NRG2: variants seen among roughly 807,000 people sequenced by gnomAD.
The protein encoded by NRG2 is neuregulin 2, also known as pro-neuregulin-2, membrane-bound isoform.
In NRG2, 27 loss-of-function variants were observed where a neutral mutation model predicts 73.9. The observed-to-expected ratio is 0.37, with a 90% CI of 0.27 to 0.50. NRG2 has a LOEUF of 0.50. NRG2 is among the 20% of genes least tolerant of loss of function. The pLI is 0.96. For synonymous variants in NRG2, 532 were observed against 541.0 expected (o/e 0.98, Z 0.23); for missense variants, 1,126 against 1,210.1 (o/e 0.93, Z 1.03).
intron 1 of NRG2, among the ~76,000 whole-genome samples, chr5:140,022,419 A>G (rs1321509394): frequency 2.0e-5 from 3 of 152,060 alleles, no homozygotes; most frequent in African/African-American, 7.2e-5. Flanking sequence ...ACCATTTGCC[A>G]TTTCCTCATT....
At chr5:140,005,314 C>T (rs1429731670) in intron 1 of NRG2, among the ~76,000 whole-genome samples, 1 of 152,210 alleles carries the variant, frequency 6.6e-6, no homozygotes, top group Non-Finnish European at 1.5e-5. Context: ...CTCTCAGTTC[C>T]ACTGCCAGAG....
intron 1 of NRG2, among the ~76,000 whole-genome samples, chr5:139,998,558 GT>G (rs1758203135): frequency 6.6e-6 from 1 of 152,160 alleles, no homozygotes; most frequent in Non-Finnish European, 1.5e-5. Context: ...GCCTTCTACT[GT>G]TCTCATTCCC....
chr5:139,875,643 C>G (rs1295591333), intron 3 of NRG2, among the ~76,000 whole-genome samples: 1 of 152,106 alleles, frequency 6.6e-6, no homozygotes, highest in African/African-American at 2.4e-5. Flanking sequence ...CACAATGAGA[C>G]CAAGCCAATG....
chr5:139,910,218 A>G (rs1293088817), intron 1 of NRG2, among the ~76,000 whole-genome samples: 1 of 152,158 alleles, frequency 6.6e-6, no homozygotes, highest in Admixed American at 6.5e-5. Flanking sequence ...GTCTACCAAG[A>G]ATCTGGATGG....
chr5:139,983,541 T>C (rs922474415), intron 1 of NRG2, among the ~76,000 whole-genome samples: 34 of 152,314 alleles, frequency 2.2e-4, no homozygotes, highest in Non-Finnish European at 1.3e-4. Flanking sequence ...TGCCCCTGGT[T>C]CTCCATTGTT....
chr5:140,036,920 G>A (rs1255918416), intron 1 of NRG2, among the ~76,000 whole-genome samples: 1 of 152,122 alleles, frequency 6.6e-6, no homozygotes, highest in Non-Finnish European at 1.5e-5. Flanking sequence ...GCGCTTAGAG[G>A]GTTAAGACTT....
chr5:140,001,845 A>G (rs1758510862), intron 1 of NRG2, among the ~76,000 whole-genome samples: 2 of 152,170 alleles, frequency 1.3e-5, no homozygotes, highest in African/African-American at 4.8e-5. Flanking sequence ...CCTTGGTGAC[A>G]GAGTAAGACC....
intron 6 of NRG2, among the ~76,000 whole-genome samples, chr5:139,855,278 C>T (rs538234115): frequency 1.6e-4 from 24 of 152,320 alleles, no homozygotes; most frequent in African/African-American, 5.8e-4. Flanking sequence ...GCTCCAGGAG[C>T]CTGTGGGGTC....
chr5:139,978,152 C>T (rs1390129439), intron 1 of NRG2, among the ~76,000 whole-genome samples: 1 of 152,294 alleles, frequency 6.6e-6, no homozygotes, highest in Admixed American at 6.5e-5. Flanking sequence ...TCAGAGGGAA[C>T]AGGCAACCTA....
intron 1 of NRG2, among the ~76,000 whole-genome samples, chr5:139,948,030 T>C (rs1018190224): frequency 5.3e-5 from 8 of 152,214 alleles, no homozygotes; most frequent in African/African-American, 1.9e-4. Flanking sequence ...TTTTTCATCT[T>C]TGAAAAGGAA....
chr5:140,006,901 C>T (rs1758948870), intron 1 of NRG2, among the ~76,000 whole-genome samples: 1 of 152,156 alleles, frequency 6.6e-6, no homozygotes, highest in East Asian at 1.9e-4. Context: ...CTAGGGTCTT[C>T]CGTGAGTCAG....
chr5:140,027,710 T>C (rs1258919026), intron 1 of NRG2, among the ~76,000 whole-genome samples: 1 of 152,192 alleles, frequency 6.6e-6, no homozygotes, highest in Non-Finnish European at 1.5e-5. Flanking sequence ...ATAGTACATA[T>C]AAGGCCTAGT....
chr5:139,868,474 G>A lies in NRG2; in HGVS notation c.1113-2849C>T, dbSNP rs949406613. Among the ~76,000 whole-genome samples the A allele has an allele frequency of 1.3e-5, 2 of 152,072 alleles. No individual in the cohort carries two copies. Among genetic ancestry groups the A allele is most frequent in the African/African-American group, 4.8e-5 (2 of 41,382 alleles). ...GGGCACAGAGGACAGATTAGAAGGA[G>A]CAGCGGGTAACAGCCTTCCCAGCCT... On this transcript the variant is annotated intron_variant, in intron 4 of 9. Coordinates refer to ENST00000361474, the MANE Select transcript of NRG2 (RefSeq NM_004883.3). The surrounding 1 kb of genome is among the most constrained non-coding windows in gnomAD (Gnocchi z 4.2).
At chr5:139,996,683 C>T (rs1366387026) in intron 1 of NRG2, among the ~76,000 whole-genome samples, 1 of 152,224 alleles carries the variant, frequency 6.6e-6, no homozygotes, top group Non-Finnish European at 1.5e-5. Context: ...GCCCTTCACA[C>T]CTGTCTAGTG....
At chr5:140,029,687 CAAAA>C (rs34122778) in intron 1 of NRG2, among the ~76,000 whole-genome samples, 1 of 61,284 alleles carries the variant, frequency 1.6e-5, no homozygotes, top group Non-Finnish European at 3.6e-5. Context: ...GACTCTGTCT[CAAAA>C]AAAAAAAAAA....
At chr5:140,002,011 C>T (rs1165009627) in intron 1 of NRG2, among the ~76,000 whole-genome samples, 2 of 152,056 alleles carry the variant, frequency 1.3e-5, no homozygotes, top group African/African-American at 4.8e-5. Context: ...AGGGAGACCC[C>T]TGTCTCTACA....
rs186058084 is a variant in NRG2, at chr5:140,034,749, A to T, written c.700+7621T>A. ...TAAATGAATAATACCATTTATAATA[A>T]CATGAATAGAATACCATAGCAAAAA... is the stretch of plus-strand genomic sequence containing the variant. On this transcript the variant is annotated intron_variant, in intron 1 of 9. Coordinates refer to ENST00000361474, the MANE Select transcript of NRG2 (RefSeq NM_004883.3). Among the ~76,000 whole-genome samples, 395 of 152,340 alleles carry T rather than the reference A, an allele frequency of 2.6e-3. 2 individuals carry two copies. The highest frequency in any genetic ancestry group is 9.1e-3 in the African/African-American group (380 of 41,584).
At chr5:139,935,991 G>GAAAAA (rs1312462867) in intron 1 of NRG2, among the ~76,000 whole-genome samples, 5 of 146,500 alleles carry the variant, frequency 3.4e-5, no homozygotes, top group African/African-American at 1.3e-4. Context: ...AAAAAGAAAA[G>GAAAAA]AAAAACATGA....
intron 1 of NRG2, among the ~76,000 whole-genome samples, chr5:139,913,262 C>T (rs1288762452): frequency 6.6e-6 from 1 of 152,264 alleles, no homozygotes; most frequent in Non-Finnish European, 1.5e-5. Context: ...TCTGCACTCA[C>T]CCCTGTATCC....
Sources: allele counts gnomAD v4.1 joint callset (sites outside exome capture counted in the v4.1 genomes callset), GRCh38; gene constraint gnomAD v4.1.1; non-coding constraint Gnocchi (gnomAD v3.1); transcripts MANE v1.5; gene names NCBI Gene and HGNC (gene_info 2026-07-23, HGNC 2026-07-21).